RYR2: variants seen among roughly 807,000 people sequenced by gnomAD.
The protein encoded by RYR2 is ryanodine receptor 2.
Under a neutral mutation model 601.1 loss-of-function variants are expected in RYR2, and 227 were observed. The ratio of observed to expected loss-of-function variants is 0.38; its 90% CI spans 0.34 to 0.42. RYR2 has a LOEUF of 0.42. Among genes scored for constraint, RYR2 ranks in the 10% least tolerant of loss-of-function variants. The pLI is 1.00. For synonymous variants in RYR2, 2,223 were observed against 2,175.1 expected, an observed-to-expected ratio of 1.02 and a Z score of -0.61; for missense variants, 4,646 against 6,156.5, an observed-to-expected ratio of 0.75 and a Z score of 8.21.
At chr1:237,107,772 A>G (rs1171065869) in intron 1 of RYR2, among the ~76,000 whole-genome samples, 1 of 152,138 alleles carries the variant, frequency 6.6e-6, no homozygotes, top group Non-Finnish European at 1.5e-5. Context: ...ATTCCCTTCC[A>G]GATTCACGGT....
rs751671749 is a variant in RYR2 at position 237,801,864 on chromosome 1, C to A, written c.14099C>A (p.Ser4700Tyr). 1 of 1,590,658 alleles carries A rather than the reference C, an allele frequency of 6.3e-7. No individual in the cohort carries two copies. Among genetic ancestry groups the A allele is most frequent in the Non-Finnish European group, 8.6e-7 (1 of 1,164,732 alleles). Reference sequence around the variant, plus strand: ...TTTTTTTGTCATTGCAGACTGAACTCCATTGATGTGAAGTATCAGATGTGG... The same window carrying A: ...TTTTTTTGTCATTGCAGACTGAACTACATTGATGTGAAGTATCAGATGTGG... ...KDSSLSAVLN[S>Y]IDVKYQMWKL... is the part of the protein sequence containing the mutation. Residue 4700 changes from serine (S) to tyrosine (Y), a missense_variant, in exon 98 of 105, where the codon TCC (serine) becomes TAC (tyrosine). By Grantham distance (144) the Ser-to-Tyr change is moderately radical. Coordinates refer to ENST00000366574, the MANE Select transcript of RYR2 (RefSeq NM_001035.3).
intron 1 of RYR2, among the ~76,000 whole-genome samples, chr1:237,224,981 C>G (rs1684206781): frequency 3.3e-5 from 5 of 152,162 alleles, no homozygotes; most frequent in Admixed American, 3.3e-4. Flanking sequence ...TTGAACATTA[C>G]TTTCTTATTT....
intron 98 of RYR2, among the ~76,000 whole-genome samples, chr1:237,803,492 G>A (rs1413259262): frequency 6.6e-6 from 1 of 151,920 alleles, no homozygotes; most frequent in East Asian, 1.9e-4. Context: ...AGTAGAGACG[G>A]GGTTTCACCA....
intron 3 of RYR2, among the ~76,000 whole-genome samples, chr1:237,345,099 G>A (rs1698180068): frequency 6.6e-6 from 1 of 152,150 alleles, no homozygotes; most frequent in African/African-American, 2.4e-5. Flanking sequence ...GTGAGCCACT[G>A]CGCCCAGCCT....
chr1:237,158,251 G>T (rs1267804197), intron 1 of RYR2, among the ~76,000 whole-genome samples: 1 of 152,152 alleles, frequency 6.6e-6, no homozygotes, highest in African/African-American at 2.4e-5. Flanking sequence ...TGTTTAGAGT[G>T]AGAAGACTTT....
Position 237,723,149 on chromosome 1 carries a change from T to C in RYR2, c.10576T>C (p.Trp3526Arg). The change falls in exon 74 of 105, where the codon TGG (tryptophan) becomes CGG (arginine). Residue 3526 changes from tryptophan to arginine, a missense_variant. This residue lies in a region of RYR2 where 1,497 missense variants were observed against 1,842.6 expected (regional missense o/e 0.81). Coordinates refer to ENST00000366574, the MANE Select transcript of RYR2 (RefSeq NM_001035.3). ...QGKLEDPAIR[W>R]QMALYKDLPN... is the part of the protein sequence containing the mutation. ...GCAGTTGGAGGATCCTGCTATTAGA[T>C]GGCAAATGGCTCTTTACAAAGACTT... 6.2e-7 allele frequency: 1 copy of C among 1,610,024 alleles called. No homozygotes were observed. Among genetic ancestry groups the C allele is most frequent in the Non-Finnish European group, 8.5e-7 (1 of 1,178,620 alleles).
chr1:237,396,163 G>C (rs1188222021), intron 10 of RYR2, among the ~76,000 whole-genome samples: 1 of 152,156 alleles, frequency 6.6e-6, no homozygotes, highest in Admixed American at 6.5e-5. Flanking sequence ...GTTCCTGAAG[G>C]ATTGTTATCT....
At chr1:237,829,490 G>A (rs186232959) in intron 102 of RYR2, among the ~76,000 whole-genome samples, 197 of 152,300 alleles carry the variant, frequency 1.3e-3, no homozygotes, top group African/African-American at 4.5e-3. Flanking sequence ...CAGATGGATG[G>A]TGGCATAGTT....
Position 237,649,899 on chromosome 1 carries a change from T to C in RYR2, c.7535T>C (p.Met2512Thr), listed in dbSNP as rs778838507. The C allele has an allele frequency of 6.2e-7, 1 of 1,613,948 alleles. No homozygotes were observed. The highest frequency in any genetic ancestry group is 8.5e-7 in the Non-Finnish European group (1 of 1,179,886). The part of the protein sequence containing the change: ...LDTAALSATD[M>T]ALALNRYLCT... ...CAGGCAGCTTTGAGTGCTACAGACA[T>C]GGCCTTGGCCCTCAATCGGTACCTT... Residue 2512 changes from methionine (M) to threonine (T), a missense_variant, in exon 50 of 105, where the codon ATG (methionine) becomes ACG (threonine). Around this residue, in one of 17 missense-constraint regions of RYR2, gnomAD observed 1,497 missense variants for 1,842.6 expected, o/e 0.81. Transcript: ENST00000366574.
Position 237,740,212 on chromosome 1 carries a change from T to A in RYR2, c.11092-2084T>A, listed in dbSNP as rs550572196. ...TAAATCCTTCTGTTTCTCTACAGTA[T>A]ATTCAAAAGCTGCTAGAAATCTGAT... is the stretch of plus-strand genomic sequence containing the variant. On this transcript the variant is annotated intron_variant, in intron 79 of 104. Coordinates refer to ENST00000366574, the MANE Select transcript of RYR2 (RefSeq NM_001035.3). Among the ~76,000 whole-genome samples the A allele has an allele frequency of 1.8e-4, 27 of 152,338 alleles. No homozygotes were observed. In the East Asian group the frequency reaches 5.2e-3, roughly 29 times the overall value.
chr1:237,422,680 T>C (rs150654574), intron 11 of RYR2, among the ~76,000 whole-genome samples: 1 of 152,330 alleles, frequency 6.6e-6, no homozygotes, highest in Non-Finnish European at 1.5e-5. Flanking sequence ...TCTGTGCAAA[T>C]ACAGCAACAG....
intron 1 of RYR2, among the ~76,000 whole-genome samples, chr1:237,174,402 T>C (rs1267245166): frequency 1.3e-5 from 2 of 152,208 alleles, no homozygotes; most frequent in African/African-American, 4.8e-5. Context: ...TGCTAGAGCA[T>C]CATCCTTAGT....
At chr1:237,477,301 G>C (rs1272811893) in intron 17 of RYR2, among the ~76,000 whole-genome samples, 3 of 152,162 alleles carry the variant, frequency 2.0e-5, no homozygotes, top group Non-Finnish European at 1.5e-5. Context: ...TGAGGCAGGA[G>C]AATCGCTTGA....
chr1:237,724,184 C>CATATATATAT lies in RYR2; in HGVS notation c.10689+947_10689+956dup, dbSNP rs35705894. 8.0e-3 allele frequency among the ~76,000 whole-genome samples: 1,088 copies of CATATATATAT among 136,768 alleles called. 8 individuals carry two copies. Among genetic ancestry groups the CATATATATAT allele is most frequent in the Middle Eastern group, 0.015 (4 of 260 alleles). The allele number at this position is 136,768 out of a possible 152,430, so 89.7% of individuals were successfully genotyped here. A position where few individuals can be genotyped will look rare whatever the true frequency, so the allele number is the denominator to read the frequency against. On this transcript the variant is annotated intron_variant, in intron 74 of 104. Coordinates refer to ENST00000366574, the MANE Select transcript of RYR2 (RefSeq NM_001035.3). ...TGCCACCTAAATGTATGTGTGTGTGCATATATATATATATATATATATATA... is the reference window on the plus strand; with the variant it reads ...TGCCACCTAAATGTATGTGTGTGTGCATATATATATATATATATATATATATATATATATA...
intron 16 of RYR2, among the ~76,000 whole-genome samples, chr1:237,468,444 A>G (rs1031062941): frequency 4.6e-5 from 7 of 152,358 alleles, no homozygotes; most frequent in Admixed American, 1.3e-4. Context: ...TGTAGAAAAC[A>G]GTAGTCTAAG....
At chr1:237,475,183 C>G (rs1386022124) in intron 17 of RYR2, among the ~76,000 whole-genome samples, 2 of 152,186 alleles carry the variant, frequency 1.3e-5, no homozygotes, top group Non-Finnish European at 2.9e-5. Flanking sequence ...AGTGAGCTAA[C>G]ACAGAACCAG....
At chr1:237,144,487 A>G (rs1282380403) in intron 1 of RYR2, among the ~76,000 whole-genome samples, 1 of 152,210 alleles carries the variant, frequency 6.6e-6, no homozygotes, top group Non-Finnish European at 1.5e-5. Flanking sequence ...TTTACATTCC[A>G]AAGAGATGTT....
chr1:237,568,426 T>C (rs1416075685), intron 28 of RYR2, among the ~76,000 whole-genome samples: 3 of 152,186 alleles, frequency 2.0e-5, no homozygotes, highest in African/African-American at 7.2e-5. Flanking sequence ...CGGAATATAC[T>C]TGTAGATGCA....
chr1:237,400,262 C>T (rs1412103442), intron 10 of RYR2, among the ~76,000 whole-genome samples: 2 of 152,180 alleles, frequency 1.3e-5, no homozygotes, highest in East Asian at 3.8e-4. Flanking sequence ...AGAGACTGGA[C>T]AAAGAGCAAA....
Sources: allele counts gnomAD v4.1 joint callset (sites outside exome capture counted in the v4.1 genomes callset), GRCh38; gene constraint gnomAD v4.1.1; regional missense constraint gnomAD v4.1.1; transcripts MANE v1.5; gene names NCBI Gene and HGNC (gene_info 2026-07-23, HGNC 2026-07-21).